The following HMGCLL1 variants were observed in gnomAD, a reference collection of about 807,000 sequenced individuals.
HMGCLL1 encodes the protein 3-hydroxymethyl-3-methylglutaryl-CoA lyase, cytoplasmic.
A neutral mutation model predicts 39.1 loss-of-function variants in HMGCLL1; 36 were observed. That is an observed-to-expected ratio of 0.92 (90% CI 0.71 to 1.22). The LOEUF is 1.22. HMGCLL1 is among the 50% of genes most tolerant of loss of function. HMGCLL1 has a pLI of 0.00. For missense variants in HMGCLL1, 451 were observed against 416.5 expected, an observed-to-expected ratio of 1.08 and a Z score of -0.72; for synonymous variants, 149 against 144.0, an observed-to-expected ratio of 1.03 and a Z score of -0.25.
chr6:55,507,415 C>T (rs545715872), intron 5 of HMGCLL1, among the ~76,000 whole-genome samples: 6 of 151,706 alleles, frequency 4.0e-5, no homozygotes, highest in African/African-American at 1.4e-4. Context: ...TCCCTGTTTC[C>T]CCAGCCCTCA....
At chr6:55,477,281 T>TTTAG (rs1561904692) in intron 7 of HMGCLL1, among the ~76,000 whole-genome samples, 2 of 22,160 alleles carry the variant, frequency 9.0e-5, no homozygotes, top group African/African-American at 7.4e-4. Flanking sequence ...ATATATTATA[T>TTTAG]ATTATATATA....
At chr6:55,549,800 CAA>C (rs1204686255) in intron 1 of HMGCLL1, among the ~76,000 whole-genome samples, 1 of 151,640 alleles carries the variant, frequency 6.6e-6, no homozygotes, top group East Asian at 1.9e-4. Flanking sequence ...GATTATATAA[CAA>C]TGTCAAATTG....
intron 1 of HMGCLL1, among the ~76,000 whole-genome samples, chr6:55,576,563 T>A (rs1030095779): frequency 6.6e-6 from 1 of 152,238 alleles, no homozygotes; most frequent in Non-Finnish European, 1.5e-5. Context: ...ATTAGCTATA[T>A]AGGCATTGGG....
At chr6:55,654,423 T>C in the HMGCLL1 span, among the ~76,000 whole-genome samples, 1 of 151,790 alleles carries the variant, frequency 6.6e-6, no homozygotes, top group Non-Finnish European at 1.5e-5. Context: ...TTTCTGAAAA[T>C]GAAGAACATT....
In HMGCLL1 at chr6:55,439,490, C is replaced by T. The variant is rs1482344062; in HGVS notation, c.865G>A (p.Gly289Arg). ...GGCPYAKGAS[G>R]NVATEDLIYM... ...ATCAAATCCTCAGTGGCTACATTCC[C>T]AGAAGCACCTTTTGCATAAGGGCAG... Residue 289 changes from glycine (G) to arginine (R), a missense_variant, in exon 8 of 9, where the codon GGG (glycine) becomes AGG (arginine). Coordinates refer to ENST00000274901, the MANE Select transcript of HMGCLL1 (RefSeq NM_001042406.2). The T allele has an allele frequency of 6.2e-7, 1 of 1,612,766 alleles. No individual in the cohort carries two copies. The highest frequency in any genetic ancestry group is 8.5e-7 in the Non-Finnish European group (1 of 1,179,182).
the HMGCLL1 span, among the ~76,000 whole-genome samples, chr6:55,608,069 C>T: frequency 6.6e-6 from 1 of 152,156 alleles, no homozygotes; most frequent in Non-Finnish European, 1.5e-5. Flanking sequence ...CTCCTTAATA[C>T]ACATTAATTT....
intron 3 of HMGCLL1, among the ~76,000 whole-genome samples, chr6:55,541,091 A>C (rs75007413): frequency 0.08 from 12,151 of 152,162 alleles, 533 homozygotes; most frequent in South Asian, 0.14. Context: ...CTGGATTAGG[A>C]AGAGTGTTTT....
Position 55,435,501 on chromosome 6 carries a change from T to C in HMGCLL1, c.*161A>G, listed in dbSNP as rs1581776375. On this transcript the variant is annotated 3_prime_UTR_variant, in exon 9 of 9. Transcript: ENST00000274901. ...ACCTGATGACTGATATTGCATTTTG[T>C]TGACTTAATCTATCCAGTTATAATC... 2 of 401,978 alleles carry C rather than the reference T, an allele frequency of 5.0e-6. No individual in the cohort carries two copies. Among genetic ancestry groups the C allele is most frequent in the East Asian group, 7.1e-5 (2 of 28,058 alleles). 24.9% of individuals were successfully genotyped at this position (401,978 alleles called of 1,614,324 possible). A position where few individuals can be genotyped will look rare whatever the true frequency, so the allele number is the denominator to read the frequency against.
chr6:55,654,270 T>G, the HMGCLL1 span, among the ~76,000 whole-genome samples: 1 of 151,838 alleles, frequency 6.6e-6, no homozygotes, highest in South Asian at 2.1e-4. Flanking sequence ...GAATTTATAA[T>G]GAAATTTTTG....
intron 4 of HMGCLL1, among the ~76,000 whole-genome samples, chr6:55,516,086 T>C (rs1313451699): frequency 1.3e-5 from 2 of 151,822 alleles, no homozygotes; most frequent in Non-Finnish European, 2.9e-5. Flanking sequence ...ACAATTAGCT[T>C]TTCACCCAGA....
chr6:55,580,270 G>A (rs1771951682), upstream of HMGCLL1, among the ~76,000 whole-genome samples: 1 of 151,952 alleles, frequency 6.6e-6, no homozygotes, highest in South Asian at 2.1e-4. Flanking sequence ...ATGGGTTAAG[G>A]GAGGAAAAAG....
the HMGCLL1 span, among the ~76,000 whole-genome samples, chr6:55,661,950 G>A: frequency 7.4e-4 from 112 of 151,662 alleles, no homozygotes; most frequent in African/African-American, 2.5e-3. Flanking sequence ...AGCTGCATTC[G>A]TAGGTATATT....
chr6:55,638,656 C>A, the HMGCLL1 span, among the ~76,000 whole-genome samples: 1 of 152,060 alleles, frequency 6.6e-6, no homozygotes, highest in East Asian at 1.9e-4. Flanking sequence ...TTGAAAACTT[C>A]ATTTACTCAT....
At chr6:55,620,621 G>A in the HMGCLL1 span, among the ~76,000 whole-genome samples, 1 of 146,474 alleles carries the variant, frequency 6.8e-6, no homozygotes, top group South Asian at 2.2e-4. Flanking sequence ...GTGCTTTTGG[G>A]GTGTTACACA....
At chr6:55,442,626 A>G (rs190527566) in intron 7 of HMGCLL1, among the ~76,000 whole-genome samples, 1 of 152,318 alleles carries the variant, frequency 6.6e-6, no homozygotes, top group African/African-American at 2.4e-5. Context: ...TTTACAAAGG[A>G]TAGACTGTTT....
chr6:55,669,659 G>A, the HMGCLL1 span, among the ~76,000 whole-genome samples: 1 of 151,542 alleles, frequency 6.6e-6, no homozygotes, highest in African/African-American at 2.4e-5. Context: ...AAATAAAAGA[G>A]GCAAAGAAGA....
intron 1 of HMGCLL1, among the ~76,000 whole-genome samples, chr6:55,560,096 G>T (rs1012748038): frequency 6.6e-6 from 1 of 152,136 alleles, no homozygotes; most frequent in Non-Finnish European, 1.5e-5. Context: ...AGACAGGATT[G>T]TTCACAAGAA....
intron 1 of HMGCLL1, among the ~76,000 whole-genome samples, chr6:55,563,610 T>G (rs1469018221): frequency 6.6e-6 from 1 of 152,152 alleles, no homozygotes; most frequent in African/African-American, 2.4e-5. Context: ...TGCTGATTAA[T>G]AGTAAATGTT....
chr6:55,525,925 G>A (rs1768296110), intron 3 of HMGCLL1, among the ~76,000 whole-genome samples: 1 of 151,826 alleles, frequency 6.6e-6, no homozygotes, highest in Non-Finnish European at 1.5e-5. Flanking sequence ...GCATTATTAT[G>A]GTCCAGAGTA....
Sources: gnomAD v4.1 joint callset for allele counts (sites outside exome capture counted in the v4.1 genomes callset) on GRCh38, gnomAD v4.1.1 for gene constraint, MANE v1.5 for transcripts, NCBI Gene and HGNC (gene_info 2026-07-23, HGNC 2026-07-21) for gene names.